FGF2: variants seen among roughly 807,000 people sequenced by gnomAD.
FGF2 encodes fibroblast growth factor 2.
A neutral mutation model predicts 15.9 loss-of-function variants in FGF2; 13 were observed. The ratio of observed to expected loss-of-function variants is 0.82; its 90% CI spans 0.53 to 1.30. The LOEUF (loss-of-function observed/expected upper bound fraction) is 1.30, where lower values mean the gene tolerates loss of function less well. FGF2 is among the 50% of genes most tolerant of loss of function. The pLI is 0.00. For missense variants in FGF2, 163 were observed against 196.9 expected, an observed-to-expected ratio of 0.83 and a Z score of 1.03; for synonymous variants, 90 against 78.4, an observed-to-expected ratio of 1.15 and a Z score of -0.78.
Position 122,861,042 on chromosome 4 carries a change from G to A in FGF2, c.179-15279G>A, listed in dbSNP as rs1414157749. On this transcript the variant is annotated intron_variant, in intron 1 of 2. Transcript: ENST00000644866. The stretch of plus-strand genomic sequence containing the variant: ...TATACGTATCTTCCTGCACTAGCTC[G>A]TACTGACCACTCCATCCAGGCTCTT... 6.6e-5 allele frequency among the ~76,000 whole-genome samples: 10 copies of A among 152,264 alleles called. No homozygotes were observed. In the East Asian group the frequency reaches 1.7e-3, roughly 26 times the overall value.
At chr4:122,860,597 A>C (rs1401031107) in intron 1 of FGF2, among the ~76,000 whole-genome samples, 1 of 151,998 alleles carries the variant, frequency 6.6e-6, no homozygotes, top group African/African-American at 2.4e-5. Flanking sequence ...CTGGGATTAC[A>C]GGCATATGCC....
chr4:122,847,764 A>G (rs1726146432), intron 1 of FGF2, among the ~76,000 whole-genome samples: 1 of 152,216 alleles, frequency 6.6e-6, no homozygotes, highest in South Asian at 2.1e-4. Flanking sequence ...CCCAGGGCAA[A>G]GCTAATGTTG....
In FGF2 at chr4:122,854,146, G is replaced by A. The variant is rs541609279; in HGVS notation, c.179-22175G>A. On this transcript the variant is annotated intron_variant, in intron 1 of 2. Transcript: ENST00000644866. ...TCTGCAAGCCTTTTGGATGTGAGAA[G>A]ATTTTTTAAAAGGACATTAAAAAAT... Among the ~76,000 whole-genome samples the A allele has an allele frequency of 4.6e-5, 7 of 152,276 alleles. No homozygotes were observed. In the East Asian group the frequency reaches 1.3e-3, roughly 29 times the overall value.
intron 1 of FGF2, among the ~76,000 whole-genome samples, chr4:122,829,558 A>T (rs1294154159): frequency 1.3e-5 from 2 of 152,134 alleles, no homozygotes; most frequent in South Asian, 2.1e-4. Context: ...TTTTTTTAAA[A>T]TTTTTTATTT....
intron 1 of FGF2, among the ~76,000 whole-genome samples, chr4:122,871,335 C>CCACT (rs1434764114): frequency 6.6e-6 from 1 of 152,054 alleles, no homozygotes; most frequent in Non-Finnish European, 1.5e-5. Context: ...TCTACTAGAT[C>CCACT]CACTTGATCC....
At chr4:122,881,221 C>G (rs1726955198) in intron 2 of FGF2, among the ~76,000 whole-genome samples, 1 of 152,164 alleles carries the variant, frequency 6.6e-6, no homozygotes, top group Admixed American at 6.5e-5. Flanking sequence ...CTGCAAAGGT[C>G]TCTGACATTC....
At chr4:122,872,136 A>G (rs1726751460) in intron 1 of FGF2, among the ~76,000 whole-genome samples, 1 of 152,178 alleles carries the variant, frequency 6.6e-6, no homozygotes, top group Non-Finnish European at 1.5e-5. Flanking sequence ...ATGAAAGGTT[A>G]GAGGAATTGC....
chr4:122,836,820 G>A (rs113966860), intron 1 of FGF2, among the ~76,000 whole-genome samples: 7 of 152,328 alleles, frequency 4.6e-5, no homozygotes, highest in African/African-American at 1.7e-4. Flanking sequence ...TTATTCAAGG[G>A]AAGCAATAAA....
chr4:122,872,464 C>T (rs1726760759), intron 1 of FGF2, among the ~76,000 whole-genome samples: 1 of 151,990 alleles, frequency 6.6e-6, no homozygotes, highest in Non-Finnish European at 1.5e-5. Flanking sequence ...GGATATTATC[C>T]AGGAGAACTT....
intron 1 of FGF2, among the ~76,000 whole-genome samples, chr4:122,857,866 T>A (rs1349160869): frequency 1.3e-5 from 2 of 152,364 alleles, no homozygotes; most frequent in South Asian, 2.1e-4. Context: ...TTTAATTAAA[T>A]TGTTTTAATT....
At chr4:122,857,202 T>C (rs1290082641) in intron 1 of FGF2, among the ~76,000 whole-genome samples, 2 of 151,874 alleles carry the variant, frequency 1.3e-5, no homozygotes, top group Non-Finnish European at 2.9e-5. Context: ...GTGTCCTCAG[T>C]GGCAGAGCAT....
In FGF2 at chr4:122,895,260, T is replaced by C. The variant is rs898599819; in HGVS notation, c.*2864T>C. ...TAATATACTGTAAGCCAAACTGAAATAACATTTGCTGTTTTATAGGTTTGA... is the reference window on the plus strand; with the variant it reads ...TAATATACTGTAAGCCAAACTGAAACAACATTTGCTGTTTTATAGGTTTGA... On this transcript the variant is annotated 3_prime_UTR_variant, in exon 3 of 3. Transcript: ENST00000644866. 3 of 152,226 alleles carry C rather than the reference T, an allele frequency of 2.0e-5. No homozygotes were observed. Among genetic ancestry groups the C allele is most frequent in the African/African-American group, 7.2e-5 (3 of 41,450 alleles). 9.4% of individuals were successfully genotyped at this position (152,226 alleles called of 1,614,324 possible). A position where few individuals can be genotyped will look rare whatever the true frequency, so the allele number is the denominator to read the frequency against.
Position 122,871,639 on chromosome 4 carries a change from A to C in FGF2, c.179-4682A>C, listed in dbSNP as rs150108737. Among the ~76,000 whole-genome samples, 104 of 152,214 alleles carry C rather than the reference A, an allele frequency of 6.8e-4. 1 individual carries two copies. In the East Asian group the frequency reaches 0.02, roughly 29 times the overall value. On this transcript the variant is annotated intron_variant, in intron 1 of 2. Coordinates refer to ENST00000644866, the MANE Select transcript of FGF2 (RefSeq NM_001361665.2). Reference sequence around the variant, plus strand: ...TCCTCGAGGTCAGAGGACACAGAAGAAGCAGGCACCCATCTTTGCTGTTCT... The same window carrying C: ...TCCTCGAGGTCAGAGGACACAGAAGCAGCAGGCACCCATCTTTGCTGTTCT...
intron 2 of FGF2, among the ~76,000 whole-genome samples, chr4:122,877,164 C>T (rs1264765006): frequency 6.6e-6 from 1 of 150,634 alleles, no homozygotes; most frequent in East Asian, 1.9e-4. Flanking sequence ...GACTGGAGTG[C>T]AGTGGCGTAA....
chr4:122,831,050 T>C (rs1472867848), intron 1 of FGF2, among the ~76,000 whole-genome samples: 2 of 152,148 alleles, frequency 1.3e-5, no homozygotes, highest in Non-Finnish European at 2.9e-5. Flanking sequence ...ACCCCAAGCA[T>C]AAAAACATGG....
At chr4:122,831,207 C>T (rs995057100) in intron 1 of FGF2, among the ~76,000 whole-genome samples, 1 of 152,180 alleles carries the variant, frequency 6.6e-6, no homozygotes, top group Admixed American at 6.5e-5. Context: ...CTTCTTACCA[C>T]CTGGTCCCTT....
chr4:122,892,553 A>G lies in FGF2; in HGVS notation c.*157A>G, dbSNP rs1053694639. 3.4e-6 allele frequency: 5 copies of G among 1,463,866 alleles called. No individual in the cohort carries two copies. The African/African-American group carries it at 7.2e-5, about 21-fold the overall frequency. 90.7% of individuals were successfully genotyped at this position (1,463,866 alleles called of 1,614,324 possible). On this transcript the variant is annotated 3_prime_UTR_variant, in exon 3 of 3. Transcript: ENST00000644866. The stretch of plus-strand genomic sequence containing the variant: ...TAGTAAAATATGTAACCATTGTCCC[A>G]GTAAAGAAAAATAACAAAAGTTGTA...
At position 122,826,946 on chromosome 4, in the gene FGF2, C is replaced by A; in HGVS notation, c.-229C>A. The stretch of plus-strand genomic sequence containing the variant: ...GACACCCATCCGTGAACCCCAGGTC[C>A]CGGGCCGCCGGCTCGCCGCGCACCA... On this transcript the variant is annotated 5_prime_UTR_variant, in exon 1 of 3. Coordinates refer to ENST00000644866, the MANE Select transcript of FGF2 (RefSeq NM_001361665.2). 1 of 1,374,392 alleles carries A rather than the reference C, an allele frequency of 7.3e-7. No homozygotes were observed. 85.1% of individuals were successfully genotyped at this position (1,374,392 alleles called of 1,614,324 possible).
chr4:122,835,210 C>T (rs941500540), intron 1 of FGF2, among the ~76,000 whole-genome samples: 3 of 152,132 alleles, frequency 2.0e-5, no homozygotes, highest in Admixed American at 6.5e-5. Flanking sequence ...GTGGCTTTGC[C>T]GGCCTTGTGT....
Sources: gnomAD v4.1 joint callset for allele counts (sites outside exome capture counted in the v4.1 genomes callset) on GRCh38, gnomAD v4.1.1 for gene constraint, MANE v1.5 for transcripts, NCBI Gene and HGNC (gene_info 2026-07-23, HGNC 2026-07-21) for gene names.